COMMD10: variants seen among roughly 807,000 people sequenced by gnomAD.
The protein encoded by COMMD10 is COMM domain containing 10.
COMMD10 carries 33 observed loss-of-function variants against 28.9 expected under a neutral mutation model. The ratio of observed to expected loss-of-function variants is 1.14; its 90% CI spans 0.87 to 1.53. COMMD10 has a LOEUF of 1.53. Among genes scored for constraint, COMMD10 ranks in the 40% most tolerant of loss-of-function variants. The pLI is 0.00. For missense variants in COMMD10, 310 were observed against 233.4 expected, an observed-to-expected ratio of 1.33 and a Z score of -2.14; for synonymous variants, 110 against 81.7, an observed-to-expected ratio of 1.35 and a Z score of -1.87.
At chr5:116,171,714 A>G (rs1753340552) in intron 5 of COMMD10, among the ~76,000 whole-genome samples, 2 of 152,182 alleles carry the variant, frequency 1.3e-5, no homozygotes, top group African/African-American at 2.4e-5. Context: ...CATTCTGAGC[A>G]AAGTAACACA....
intron 5 of COMMD10, among the ~76,000 whole-genome samples, chr5:116,197,741 C>A (rs1229852966): frequency 6.6e-6 from 1 of 152,086 alleles, no homozygotes; most frequent in Non-Finnish European, 1.5e-5. Context: ...ATTTTATTCA[C>A]CTTTCTGACA....
chr5:116,206,252 C>T (rs1036347287), intron 5 of COMMD10, among the ~76,000 whole-genome samples: 4 of 152,098 alleles, frequency 2.6e-5, no homozygotes, highest in African/African-American at 9.7e-5. Context: ...CTATTTGTTC[C>T]ATTGAGTAGC....
At chr5:116,126,395 G>T (rs1257705497) in intron 4 of COMMD10, among the ~76,000 whole-genome samples, 1 of 144,960 alleles carries the variant, frequency 6.9e-6, no homozygotes, top group South Asian at 2.1e-4. Context: ...AACTACCAAT[G>T]ACTTTCTTCA....
At chr5:116,117,928 T>C (rs1343254093) in intron 4 of COMMD10, among the ~76,000 whole-genome samples, 1 of 152,206 alleles carries the variant, frequency 6.6e-6, no homozygotes, top group Non-Finnish European at 1.5e-5. Context: ...ATGTGTCTTA[T>C]TTTATCCACC....
At chr5:116,234,016 C>T (rs1330848082) in intron 5 of COMMD10, among the ~76,000 whole-genome samples, 3 of 152,080 alleles carry the variant, frequency 2.0e-5, no homozygotes, top group Admixed American at 6.6e-5. Context: ...ATAGGAAGAT[C>T]TTCAGTCAGT....
At chr5:116,245,220 C>G (rs573751473) in intron 5 of COMMD10, among the ~76,000 whole-genome samples, 1 of 152,028 alleles carries the variant, frequency 6.6e-6, no homozygotes, top group Non-Finnish European at 1.5e-5. Context: ...ATGAATACTT[C>G]CGTGCACATA....
At chr5:116,155,750 G>A (rs1488453899) in intron 5 of COMMD10, among the ~76,000 whole-genome samples, 4 of 151,978 alleles carry the variant, frequency 2.6e-5, no homozygotes, top group Admixed American at 6.6e-5. Context: ...TTAGATTCAG[G>A]AATGACTGCC....
intron 4 of COMMD10, among the ~76,000 whole-genome samples, chr5:116,109,535 A>T (rs1283369487): frequency 6.6e-6 from 1 of 152,214 alleles, no homozygotes; most frequent in Non-Finnish European, 1.5e-5. Flanking sequence ...GACAGGTTGC[A>T]GTGAGCCGAG....
intron 4 of COMMD10, among the ~76,000 whole-genome samples, chr5:116,118,250 C>G (rs1397036752): frequency 1.3e-5 from 2 of 152,114 alleles, no homozygotes; most frequent in Non-Finnish European, 2.9e-5. Context: ...TATTTTTCTC[C>G]ATAATATTTA....
chr5:116,175,546 A>G (rs548411879), intron 5 of COMMD10, among the ~76,000 whole-genome samples: 1 of 152,338 alleles, frequency 6.6e-6, no homozygotes, highest in East Asian at 1.9e-4. Flanking sequence ...TCAAAAGAAT[A>G]GCAAGGACTC....
At chr5:116,127,240 C>T (rs1236371584) in intron 4 of COMMD10, among the ~76,000 whole-genome samples, 1 of 152,176 alleles carries the variant, frequency 6.6e-6, no homozygotes, top group Non-Finnish European at 1.5e-5. Flanking sequence ...CACCTCACAC[C>T]AGTTAGAATG....
chr5:116,262,570 C>A (rs1338936990), intron 5 of COMMD10, among the ~76,000 whole-genome samples: 1 of 151,646 alleles, frequency 6.6e-6, no homozygotes, highest in South Asian at 2.1e-4. Flanking sequence ...TTTTCAAGTA[C>A]ATTAATTATG....
intron 5 of COMMD10, among the ~76,000 whole-genome samples, chr5:116,286,034 T>G (rs1751210492): frequency 6.6e-6 from 1 of 151,904 alleles, no homozygotes; most frequent in South Asian, 2.1e-4. Flanking sequence ...TGATTCAATC[T>G]CTGTATTCAT....
At chr5:116,251,799 G>T (rs1024653865) in intron 5 of COMMD10, among the ~76,000 whole-genome samples, 5 of 152,050 alleles carry the variant, frequency 3.3e-5, no homozygotes, top group Non-Finnish European at 7.4e-5. Flanking sequence ...AGTCCCTTGG[G>T]TATATACCCA....
At position 116,269,888 on chromosome 5, in the gene COMMD10, C is replaced by A. The variant is rs960348413; in HGVS notation, c.511-21629C>A. Among the ~76,000 whole-genome samples the A allele has an allele frequency of 2.0e-5, 3 of 151,688 alleles. 1 individual carries two copies. Among genetic ancestry groups the A allele is most frequent in the Admixed American group, 2.0e-4 (3 of 15,224 alleles). On this transcript the variant is annotated intron_variant, in intron 5 of 6. Coordinates refer to ENST00000274458, the MANE Select transcript of COMMD10 (RefSeq NM_016144.4). ...TGAGAGAATTAATATATATTTTTTA[C>A]CCCATTTCTGCATATTTTAATCCCA...
rs537298413 is a variant in COMMD10 at position 116,278,874 on chromosome 5, T to C, written c.511-12643T>C. On this transcript the variant is annotated intron_variant, in intron 5 of 6. Transcript: ENST00000274458. ...ATATTTTCTGAGTAAACAAGACTTA[T>C]AAGACCTGTAAGACTACTACCATTG... is the stretch of plus-strand genomic sequence containing the variant. 1.5e-4 allele frequency among the ~76,000 whole-genome samples: 23 copies of C among 151,966 alleles called. 1 individual carries two copies. Among genetic ancestry groups the C allele is most frequent in the Admixed American group, 7.2e-4 (11 of 15,242 alleles).
chr5:116,125,208 T>C (rs1751583204), intron 4 of COMMD10, among the ~76,000 whole-genome samples: 2 of 152,192 alleles, frequency 1.3e-5, no homozygotes. Flanking sequence ...TTCCTTTCCA[T>C]GTTTAGTGCT....
intron 5 of COMMD10, among the ~76,000 whole-genome samples, chr5:116,279,380 C>T (rs1392887503): frequency 1.3e-5 from 2 of 151,768 alleles, no homozygotes; most frequent in Non-Finnish European, 2.9e-5. Context: ...TGGGAAAATG[C>T]CTTTTGTTGT....
intron 4 of COMMD10, among the ~76,000 whole-genome samples, chr5:116,132,982 G>A (rs955593115): frequency 6.6e-6 from 1 of 152,194 alleles, no homozygotes; most frequent in East Asian, 1.9e-4. Context: ...CTCTCAAATA[G>A]ATAATACTTC....
Sources: allele counts gnomAD v4.1 joint callset (sites outside exome capture counted in the v4.1 genomes callset), GRCh38; gene constraint gnomAD v4.1.1; transcripts MANE v1.5; gene names NCBI Gene and HGNC (gene_info 2026-07-23, HGNC 2026-07-21).